Variants in LYPD6 observed in about 807,000 individuals in gnomAD.
The protein encoded by LYPD6 is LY6/PLAUR domain containing 6, also known as ly6/PLAUR domain-containing protein 6.
In LYPD6, 15 loss-of-function variants were observed where a neutral mutation model predicts 22.7. That is an observed-to-expected ratio of 0.66 (90% CI 0.44 to 1.02). The LOEUF is 1.02. Among genes scored for constraint, LYPD6 ranks in the 50% least tolerant of loss-of-function variants. The probability of loss-of-function intolerance (pLI) is 0.00; values close to 1 mark genes in which losing one functional copy is unlikely to be tolerated. For missense variants in LYPD6, 189 were observed against 208.4 expected, an observed-to-expected ratio of 0.91 and a Z score of 0.57; for synonymous variants, 72 against 77.5, an observed-to-expected ratio of 0.93 and a Z score of 0.37.
chr2:149,486,227 G>A, the LYPD6 span, among the ~76,000 whole-genome samples: 23,897 of 152,116 alleles, frequency 0.16, 2,612 homozygotes, highest in African/African-American at 0.29. Flanking sequence ...AGTGAACTAT[G>A]TGATTATTAA....
In LYPD6 at chr2:149,470,910, T is replaced by C; in HGVS notation, c.*60T>C. On this transcript the variant is annotated 3_prime_UTR_variant, in exon 5 of 5. Coordinates refer to ENST00000334166, the MANE Select transcript of LYPD6 (RefSeq NM_194317.5). ...TGGGGATCTCGATGGTCCACAGACC[T>C]GCATGAGTCATTGGCCTGACAGTAA... is the stretch of plus-strand genomic sequence containing the variant. The C allele has an allele frequency of 6.8e-7, 1 of 1,474,638 alleles. No individual in the cohort carries two copies. The highest frequency in any genetic ancestry group is 9.3e-7 in the Non-Finnish European group (1 of 1,069,810). 91.3% of individuals were successfully genotyped at this position (1,474,638 alleles called of 1,614,324 possible).
intron 1 of LYPD6, among the ~76,000 whole-genome samples, chr2:149,353,388 A>C (rs905985159): frequency 6.6e-6 from 1 of 152,204 alleles, no homozygotes; most frequent in African/African-American, 2.4e-5. Context: ...GATGATGCAC[A>C]TTACTATTCA....
At chr2:149,337,953 G>A (rs985279193) in intron 1 of LYPD6, among the ~76,000 whole-genome samples, 1 of 152,154 alleles carries the variant, frequency 6.6e-6, no homozygotes, top group Non-Finnish European at 1.5e-5. Flanking sequence ...TTGCTGCAAA[G>A]TACGTGATCT....
chr2:149,479,173 T>A, the LYPD6 span, among the ~76,000 whole-genome samples: 19 of 152,246 alleles, frequency 1.2e-4, no homozygotes, highest in African/African-American at 4.3e-4. Flanking sequence ...CTTCGTCTAG[T>A]CCCTCCTACT....
chr2:149,346,256 A>G (rs1473526866), intron 1 of LYPD6, among the ~76,000 whole-genome samples: 3 of 143,548 alleles, frequency 2.1e-5, no homozygotes, highest in Admixed American at 7.1e-5. Flanking sequence ...TTGTTTTTCT[A>G]TTTAAAAAAA....
At chr2:149,465,886 G>A (rs1234887836) in intron 3 of LYPD6, among the ~76,000 whole-genome samples, 1 of 152,108 alleles carries the variant, frequency 6.6e-6, no homozygotes, top group African/African-American at 2.4e-5. Context: ...CAACCTCTGG[G>A]AATACCATGT....
At chr2:149,372,034 G>T (rs1159173227) in intron 1 of LYPD6, among the ~76,000 whole-genome samples, 8 of 152,156 alleles carry the variant, frequency 5.3e-5, no homozygotes, top group Non-Finnish European at 8.8e-5. Context: ...TAGGAGAGCG[G>T]AGGCATTCCA....
At chr2:149,468,182 C>CACACACACACACACACAT (rs1344504517) in intron 3 of LYPD6, among the ~76,000 whole-genome samples, 1 of 147,176 alleles carries the variant, frequency 6.8e-6, no homozygotes, top group African/African-American at 2.5e-5. Context: ...CACACACACA[C>CACACACACACACACACAT]ACACACCAGC....
the LYPD6 span, among the ~76,000 whole-genome samples, chr2:149,484,133 C>T: frequency 8.7e-4 from 133 of 152,256 alleles, no homozygotes; most frequent in Admixed American, 1.4e-3. Flanking sequence ...ATTAAGTTTC[C>T]ACTTACTTGA....
intron 3 of LYPD6, among the ~76,000 whole-genome samples, chr2:149,460,007 A>T (rs1449029194): frequency 6.6e-6 from 1 of 152,144 alleles, no homozygotes; most frequent in East Asian, 1.9e-4. Context: ...TGCCAGCAGG[A>T]TGTGATAAGT....
rs55701747 is a variant in LYPD6, at chr2:149,430,549, A to G, written c.-71-7089A>G. On this transcript the variant is annotated intron_variant, in intron 1 of 4. Transcript: ENST00000334166. ...TTTTGGAAACTGTATTAACTTTTTC[A>G]GGCACCTAAGATACCACCATATTAA... Among the ~76,000 whole-genome samples, 746 of 152,322 alleles carry G rather than the reference A, an allele frequency of 4.9e-3. 6 individuals are homozygous for G. Among genetic ancestry groups the G allele is most frequent in the African/African-American group, 0.017 (701 of 41,568 alleles).
intron 1 of LYPD6, among the ~76,000 whole-genome samples, chr2:149,373,831 C>G (rs1320507079): frequency 1.3e-5 from 2 of 152,238 alleles, no homozygotes; most frequent in Admixed American, 6.5e-5. Flanking sequence ...ATTGTATAAG[C>G]TTAATTCTAT....
chr2:149,416,965 G>A (rs1682977761), intron 1 of LYPD6, among the ~76,000 whole-genome samples: 1 of 152,152 alleles, frequency 6.6e-6, no homozygotes, highest in African/African-American at 2.4e-5. Flanking sequence ...TGACAGCATG[G>A]GAAGATGTTA....
intron 1 of LYPD6, among the ~76,000 whole-genome samples, chr2:149,383,052 G>A (rs1682103691): frequency 6.6e-6 from 1 of 151,918 alleles, no homozygotes; most frequent in East Asian, 1.9e-4. Flanking sequence ...TTTTATTGTG[G>A]TGAAATATAT....
At chr2:149,423,555 T>C (rs1683127425) in intron 1 of LYPD6, among the ~76,000 whole-genome samples, 2 of 152,106 alleles carry the variant, frequency 1.3e-5, no homozygotes, top group African/African-American at 2.4e-5. Flanking sequence ...GGCTGAAAAG[T>C]GTCCTAGCCA....
chr2:149,467,143 G>C (rs899196592), intron 3 of LYPD6, among the ~76,000 whole-genome samples: 1 of 152,174 alleles, frequency 6.6e-6, no homozygotes, highest in Non-Finnish European at 1.5e-5. Flanking sequence ...ATTATTGCCA[G>C]GTAGAAAACT....
At chr2:149,338,110 G>A (rs1021658269) in intron 1 of LYPD6, among the ~76,000 whole-genome samples, 2 of 152,098 alleles carry the variant, frequency 1.3e-5, no homozygotes, top group Non-Finnish European at 2.9e-5. Flanking sequence ...GTGTTGCAAC[G>A]AACATACACA....
intron 3 of LYPD6, among the ~76,000 whole-genome samples, chr2:149,462,341 A>T (rs989005507): frequency 6.6e-6 from 1 of 152,016 alleles, no homozygotes; most frequent in Non-Finnish European, 1.5e-5. Context: ...GAAGAATTAA[A>T]TACTTCCAGG....
intron 1 of LYPD6, among the ~76,000 whole-genome samples, chr2:149,409,719 G>A (rs6746846): frequency 0.2 from 29,960 of 151,950 alleles, 2,969 homozygotes; most frequent in Middle Eastern, 0.22. Context: ...TAGGTTGCCA[G>A]GGAAGTGGGA....
Sources: allele counts gnomAD v4.1 joint callset (sites outside exome capture counted in the v4.1 genomes callset), GRCh38; gene constraint gnomAD v4.1.1; transcripts MANE v1.5; gene names NCBI Gene and HGNC (gene_info 2026-07-23, HGNC 2026-07-21).